LRCH1: variants seen among roughly 807,000 people sequenced by gnomAD.
LRCH1 encodes leucine rich repeats and calponin homology domain containing 1.
A neutral mutation model predicts 94.9 loss-of-function variants in LRCH1; 23 were observed. The ratio of observed to expected loss-of-function variants is 0.24; its 90% CI spans 0.17 to 0.34. LRCH1 has a LOEUF of 0.34. LRCH1 is among the 10% of genes least tolerant of loss of function. The probability of loss-of-function intolerance (pLI) is 1.00; values close to 1 mark genes in which losing one functional copy is unlikely to be tolerated. For synonymous variants in LRCH1, 364 were observed against 354.9 expected (o/e 1.03, Z -0.29); for missense variants, 790 against 945.9 (o/e 0.84, Z 2.16).
At position 46,669,028 on chromosome 13, in the gene LRCH1, A is replaced by C. The variant is rs2051562152; in HGVS notation, c.453-2A>C. ...TGTGTTCTTGTTGTATTGTCTTTGC[A>C]GTCGAAATCAGCTGTCCGCCCTGCC... On this transcript the variant is annotated splice_acceptor_variant, in intron 2 of 19. Coordinates refer to ENST00000389797, the MANE Select transcript of LRCH1 (RefSeq NM_001164211.2). LOFTEE classifies it high-confidence loss of function. 1.2e-6 allele frequency: 2 copies of C among 1,613,742 alleles called. No individual in the cohort carries two copies. Among genetic ancestry groups the C allele is most frequent in the Non-Finnish European group, 1.7e-6 (2 of 1,179,848 alleles).
intron 16 of LRCH1, chr13:46,717,336 AT>A (rs946094973): frequency 1.8e-4 from 28 of 152,184 alleles, no homozygotes; most frequent in Admixed American, 6.5e-4. Flanking sequence ...TGCAATAGTT[AT>A]TTTTTCTATG....
chr13:46,712,642 C>T (rs755592836), intron 15 of LRCH1, 45 bp downstream of exon 15: 2 of 1,524,512 alleles, frequency 1.3e-6, no homozygotes, highest in Non-Finnish European at 1.8e-6. Flanking sequence ...TAACTCATTG[C>T]TTTCTCTTGA....
chr13:46,752,816 G>A (rs1204479220), exon 19 of LRCH1: 1 of 151,916 alleles, frequency 6.6e-6, no homozygotes, highest in Non-Finnish European at 1.5e-5. Context: ...TTTTCTTGAA[G>A]TTGGTTGTGT....
At chr13:46,718,605 A>G (rs1872442128) in intron 16 of LRCH1, among the ~76,000 whole-genome samples, 1 of 152,242 alleles carries the variant, frequency 6.6e-6, no homozygotes, top group Non-Finnish European at 1.5e-5. Context: ...CTAAGACCAT[A>G]GAGAAGAAAT....
intron 19 of LRCH1, among the ~76,000 whole-genome samples, chr13:46,734,328 G>T (rs537488362): frequency 6.6e-6 from 1 of 152,086 alleles, no homozygotes; most frequent in East Asian, 1.9e-4. Context: ...CTTCTCTTAG[G>T]CTTCATAGAG....
intron 16 of LRCH1, among the ~76,000 whole-genome samples, chr13:46,722,756 A>T (rs1216944716): frequency 6.6e-6 from 1 of 152,240 alleles, no homozygotes; most frequent in Non-Finnish European, 1.5e-5. Flanking sequence ...CTTAGTTCTT[A>T]ACTCAGGCTT....
At position 46,723,069 on chromosome 13, in the gene LRCH1, G is replaced by A. The variant is rs17068725; in HGVS notation, c.1760-152G>A. On this transcript the variant is annotated intron_variant, in intron 16 of 19. Coordinates refer to ENST00000389797, the MANE Select transcript of LRCH1 (RefSeq NM_001164211.2). ...ATATTGTCTCTTTTAAAATACTTGA[G>A]CCAGGCTTTTCTTGTGGATTTGGAA... 4.0e-3 allele frequency: 2,129 copies of A among 527,376 alleles called. 45 individuals are homozygous for A. Among genetic ancestry groups the A allele is most frequent in the African/African-American group, 0.038 (1,928 of 51,218 alleles). 32.7% of individuals were successfully genotyped at this position (527,376 alleles called of 1,614,324 possible).
intron 1 of LRCH1, among the ~76,000 whole-genome samples, chr13:46,620,487 G>C (rs1369239473): frequency 6.6e-6 from 1 of 152,176 alleles, no homozygotes; most frequent in Non-Finnish European, 1.5e-5. Context: ...GAGAAGTATA[G>C]AGTAAAATGA....
At chr13:46,660,281 TG>T (rs748088570) in intron 2 of LRCH1, among the ~76,000 whole-genome samples, 1 of 152,138 alleles carries the variant, frequency 6.6e-6, no homozygotes, top group East Asian at 1.9e-4. Flanking sequence ...CCCAAAGTGC[TG>T]GGATTACAGG....
intron 16 of LRCH1, among the ~76,000 whole-genome samples, chr13:46,718,284 A>G (rs1020499586): frequency 3.3e-5 from 5 of 152,254 alleles, no homozygotes; most frequent in African/African-American, 7.2e-5. Flanking sequence ...ATAACCATGT[A>G]TCTTGTACCA....
chr13:46,723,421 A>C, intron 17 of LRCH1, 91 bp downstream of exon 17: 1 of 975,060 alleles, frequency 1.0e-6, no homozygotes, highest in Admixed American at 2.2e-5. Flanking sequence ...AAGCAGTCCT[A>C]ATTTCAAATC....
intron 3 of LRCH1, among the ~76,000 whole-genome samples, chr13:46,674,614 C>T (rs902176247): frequency 3.3e-5 from 5 of 152,190 alleles, no homozygotes; most frequent in South Asian, 2.1e-4. Context: ...TTGCTTTGTA[C>T]GTCTATCTGC....
rs752242144 is a variant in LRCH1, at chr13:46,553,373, C to A, written c.-24C>A. The A allele has an allele frequency of 6.6e-7, 1 of 1,506,476 alleles. No individual in the cohort carries two copies. Among genetic ancestry groups the A allele is most frequent in the South Asian group, 1.3e-5 (1 of 79,348 alleles). The allele number at this position is 1,506,476 out of a possible 1,614,324, so 93.3% of individuals were successfully genotyped here. On this transcript the variant is annotated 5_prime_UTR_variant, in exon 1 of 20. Transcript: ENST00000389797. ...TGACCCCCCCGCAGGAGCGGCGGGG[C>A]GGGGTGGGGGGGCCCGGGAGAAGAT...
chr13:46,701,284 T>C, intron 11 of LRCH1, 77 bp downstream of exon 11: 1 of 1,058,556 alleles, frequency 9.4e-7, no homozygotes, highest in East Asian at 2.5e-5. Context: ...TCTAAATTCC[T>C]AAAATACCTA....
At chr13:46,650,913 T>G (rs924363507) in intron 2 of LRCH1, among the ~76,000 whole-genome samples, 2 of 152,156 alleles carry the variant, frequency 1.3e-5, no homozygotes, top group Non-Finnish European at 2.9e-5. Flanking sequence ...CTTAGGTCAG[T>G]GTTTGCTGAG....
At chr13:46,731,759 GC>G (rs1873120908) in intron 18 of LRCH1, among the ~76,000 whole-genome samples, 1 of 152,048 alleles carries the variant, frequency 6.6e-6, no homozygotes, top group Non-Finnish European at 1.5e-5. Flanking sequence ...GTTGCTCTTT[GC>G]CCCAGGCTCA....
intron 1 of LRCH1, among the ~76,000 whole-genome samples, chr13:46,566,419 T>A (rs969295312): frequency 2.0e-5 from 3 of 152,206 alleles, no homozygotes; most frequent in African/African-American, 7.2e-5. Context: ...TCCCTGAGGC[T>A]ACTGATATGG....
chr13:46,684,925 A>C (rs1870529826), intron 4 of LRCH1, among the ~76,000 whole-genome samples: 1 of 152,234 alleles, frequency 6.6e-6, no homozygotes, highest in African/African-American at 2.4e-5. Context: ...TGAAGACTGA[A>C]GAGCAGTGTA....
intron 1 of LRCH1, among the ~76,000 whole-genome samples, chr13:46,639,490 T>C (rs2138060635): frequency 6.6e-6 from 1 of 152,330 alleles, no homozygotes; most frequent in Middle Eastern, 3.4e-3. Flanking sequence ...GCTGCTCAGC[T>C]TTAGTCAGGC....
Sources: gnomAD v4.1 joint callset for allele counts (sites outside exome capture counted in the v4.1 genomes callset) on GRCh38, gnomAD v4.1.1 for gene constraint, MANE v1.5 for transcripts, NCBI Gene and HGNC (gene_info 2026-07-23, HGNC 2026-07-21) for gene names.